The following IQGAP1 variants were observed in gnomAD, a reference collection of about 807,000 sequenced individuals.
The protein encoded by IQGAP1 is ras GTPase-activating-like protein IQGAP1.
In IQGAP1, 66 loss-of-function variants were observed where a neutral mutation model predicts 215.6. The ratio of observed to expected loss-of-function variants is 0.31; its 90% CI spans 0.25 to 0.38. The LOEUF (loss-of-function observed/expected upper bound fraction) is 0.38. IQGAP1 is among the 10% of genes least tolerant of loss of function. The pLI, the probability that IQGAP1 is intolerant of heterozygous loss-of-function variation, is 1.00. For synonymous variants in IQGAP1, 772 were observed against 728.7 expected, an observed-to-expected ratio of 1.06 and a Z score of -0.96; for missense variants, 1,712 against 1,997.1, an observed-to-expected ratio of 0.86 and a Z score of 2.72.
chr15:90,453,290 G>C lies in IQGAP1; in HGVS notation c.1485G>C (p.Gln495His). The change falls in exon 13 of 38, where the codon CAG becomes CAC. Residue 495 changes from glutamine (Q) to histidine (H), a missense_variant and splice_region_variant. Transcript: ENST00000268182. ...GLTNIEEENC[Q>H]RYLDELMKLK... ...CCAATATTGAGGAAGAAAACTGTCA[G>C]AGGTGGGTGTCCAGAGTGAAGGGAA... The C allele has an allele frequency of 6.2e-7, 1 of 1,610,412 alleles. No individual in the cohort carries two copies. The highest frequency in any genetic ancestry group is 8.5e-7 in the Non-Finnish European group (1 of 1,178,246).
chr15:90,444,685 A>G (rs1965502539), intron 9 of IQGAP1, among the ~76,000 whole-genome samples: 1 of 152,168 alleles, frequency 6.6e-6, no homozygotes, highest in Non-Finnish European at 1.5e-5. Context: ...TCATTTTGTC[A>G]CTACTCTGCT....
In IQGAP1 at chr15:90,476,773, G is replaced by A. The variant is rs1408941102; in HGVS notation, c.2895G>A (p.Lys965=). The A allele has an allele frequency of 6.2e-7, 1 of 1,606,738 alleles. No homozygotes were observed. The highest frequency in any genetic ancestry group is 8.5e-7 in the Non-Finnish European group (1 of 1,178,454). ...KGGLKALSKE[K]REKLEAYQHL... ...GTCTCAAGGCTTTGAGCAAGGAGAA[G>A]AGAGAGAAGTTGGAAGCTTACCAGC... Residue 965 remains lysine (K), a synonymous_variant, in exon 24 of 38, where the codon AAG becomes AAA. Transcript: ENST00000268182.
intron 2 of IQGAP1, among the ~76,000 whole-genome samples, chr15:90,420,850 T>C (rs1398523674): frequency 6.6e-6 from 1 of 152,202 alleles, no homozygotes; most frequent in African/African-American, 2.4e-5. Context: ...AGCCATAGTT[T>C]TATTTTTAAA....
rs761218104 is a variant in IQGAP1, at chr15:90,487,595, G to A, written c.4248+13G>A. ...CACCAGTGAACAGGTAAAATTTAGG[G>A]TCTAACATACTCCTTTGTTTGGTAG... On this transcript the variant is annotated intron_variant, in intron 33 of 37. Transcript: ENST00000268182. 10 of 1,571,776 alleles carry A rather than the reference G, an allele frequency of 6.4e-6. No individual in the cohort carries two copies. Among genetic ancestry groups the A allele is most frequent in the Middle Eastern group, 3.3e-4 (2 of 5,994 alleles).
At chr15:90,442,374 T>C (rs1965463707) in intron 8 of IQGAP1, among the ~76,000 whole-genome samples, 2 of 151,674 alleles carry the variant, frequency 1.3e-5, no homozygotes, top group Admixed American at 1.3e-4. Flanking sequence ...CAGAATCTAT[T>C]GAACCTGGGA....
chr15:90,418,151 G>T (rs1308316960), intron 2 of IQGAP1, among the ~76,000 whole-genome samples: 2 of 152,064 alleles, frequency 1.3e-5, no homozygotes, highest in Non-Finnish European at 1.5e-5. Context: ...ACTGATAAGT[G>T]TTCCACACAG....
intron 2 of IQGAP1, among the ~76,000 whole-genome samples, chr15:90,416,743 A>C (rs1282351960): frequency 6.6e-6 from 1 of 151,948 alleles, no homozygotes; most frequent in African/African-American, 2.4e-5. Context: ...ACGCCCAGCT[A>C]ATTTTTTGTA....
chr15:90,464,801 G>A (rs1170069371), intron 15 of IQGAP1, among the ~76,000 whole-genome samples: 7 of 151,306 alleles, frequency 4.6e-5, no homozygotes, highest in East Asian at 1.9e-4. Flanking sequence ...GCAGTGAGCC[G>A]AGATCACGCC....
intron 14 of IQGAP1, among the ~76,000 whole-genome samples, chr15:90,455,850 G>A (rs997660174): frequency 5.3e-5 from 8 of 152,176 alleles, no homozygotes; most frequent in Non-Finnish European, 1.2e-4. Context: ...ACACATTCCA[G>A]TGTACCTGAA....
chr15:90,453,071 C>A, intron 12 of IQGAP1, 61 bp from the exon 13 acceptor site: 1 of 1,559,382 alleles, frequency 6.4e-7, no homozygotes, highest in Non-Finnish European at 8.7e-7. Flanking sequence ...AAACTTATAA[C>A]TCCCTGGGTC....
chr15:90,424,019 T>C (rs948417389), intron 2 of IQGAP1, among the ~76,000 whole-genome samples: 30 of 148,966 alleles, frequency 2.0e-4, no homozygotes, highest in African/African-American at 7.3e-4. Flanking sequence ...AAAAGAAAAA[T>C]AAGTAACTTT....
chr15:90,401,474 G>T (rs923966533), intron 2 of IQGAP1, among the ~76,000 whole-genome samples: 1 of 152,192 alleles, frequency 6.6e-6, no homozygotes, highest in East Asian at 1.9e-4. Flanking sequence ...CCTGCAATTT[G>T]CAAGGCAGTC....
chr15:90,483,741 A>T (rs16944500), intron 29 of IQGAP1, 148 bp downstream of exon 29: 115,827 of 618,918 alleles, frequency 0.19, 11,331 homozygotes, highest in South Asian at 0.23. Flanking sequence ...CCAGAAGATG[A>T]TCCATTTACT....
intron 26 of IQGAP1, 117 bp from the exon 27 acceptor site, chr15:90,481,843 T>G: frequency 8.4e-6 from 9 of 1,068,286 alleles, no homozygotes; most frequent in East Asian, 4.9e-5. Context: ...CCCGTGAGGA[T>G]GAGCTTAAGC....
chr15:90,483,313 T>A (rs752910694), intron 28 of IQGAP1, 48 bp from the exon 29 acceptor site: 1 of 1,378,562 alleles, frequency 7.3e-7, no homozygotes, highest in South Asian at 1.2e-5. Context: ...TATAGCTTCC[T>A]TGGTGGTATG....
chr15:90,453,091 G>A, intron 12 of IQGAP1, 41 bp from the exon 13 acceptor site: 1 of 1,574,014 alleles, frequency 6.4e-7, no homozygotes, highest in Non-Finnish European at 8.6e-7. Context: ...CTTGGAGAAT[G>A]TCTTTCCTCA....
At chr15:90,397,039 G>A (rs1329505122) in intron 2 of IQGAP1, among the ~76,000 whole-genome samples, 1 of 152,056 alleles carries the variant, frequency 6.6e-6, no homozygotes, top group Non-Finnish European at 1.5e-5. Context: ...TTTTAGTAGA[G>A]ATGGGGTTTG....
At chr15:90,462,000 G>A (rs202173833) in intron 15 of IQGAP1, among the ~76,000 whole-genome samples, 349 of 11,470 alleles carry the variant, frequency 0.03, 8 homozygotes, top group Middle Eastern at 0.18. Flanking sequence ...AAAAAAAAAA[G>A]AAAAAAAAAA....
At position 90,444,285 on chromosome 15, in the gene IQGAP1, A is replaced by AT. The variant is rs1238901029; in HGVS notation, c.913+808dup. ...TGTGTGTGTGTGTGTGTGTGTATAT[A>AT]TATATTTTTTTTTTTCTTTAAGAGA... On this transcript the variant is annotated intron_variant, in intron 9 of 37. Coordinates refer to ENST00000268182, the MANE Select transcript of IQGAP1 (RefSeq NM_003870.4). Among the ~76,000 whole-genome samples, 18 of 101,336 alleles carry AT rather than the reference A, an allele frequency of 1.8e-4. 1 individual carries two copies. In the South Asian group the frequency reaches 5.6e-3, roughly 32 times the overall value. The allele number at this position is 101,336 out of a possible 152,430, so 66.5% of individuals were successfully genotyped here.
Sources: allele counts gnomAD v4.1 joint callset (sites outside exome capture counted in the v4.1 genomes callset), GRCh38; gene constraint gnomAD v4.1.1; transcripts MANE v1.5; gene names NCBI Gene and HGNC (gene_info 2026-07-23, HGNC 2026-07-21).